Variants in EML1 observed in about 807,000 individuals in gnomAD.
The protein encoded by EML1 is EMAP like 1.
In EML1, 27 loss-of-function variants were observed where a neutral mutation model predicts 110.4. The ratio of observed to expected loss-of-function variants is 0.24; its 90% CI spans 0.18 to 0.34. EML1 has a LOEUF of 0.34. Among genes scored for constraint, EML1 ranks in the 10% least tolerant of loss-of-function variants. The probability of loss-of-function intolerance (pLI) is 1.00; values close to 1 mark genes in which losing one functional copy is unlikely to be tolerated. For synonymous variants in EML1, 344 were observed against 385.8 expected (o/e 0.89, Z 1.27); for missense variants, 741 against 1,030.9 (o/e 0.72, Z 3.85).
At chr14:99,756,362 G>T (rs1272601406) in intron 1 of EML1, among the ~76,000 whole-genome samples, 1 of 152,212 alleles carries the variant, frequency 6.6e-6, no homozygotes, top group Non-Finnish European at 1.5e-5. Context: ...AAGGCGGGAG[G>T]CAGAGGCTGA....
At chr14:99,878,934 A>G (rs774471602) in intron 4 of EML1, among the ~76,000 whole-genome samples, 1 of 152,150 alleles carries the variant, frequency 6.6e-6, no homozygotes, top group African/African-American at 2.4e-5. Context: ...CTGAATTTCT[A>G]CCTGAGCACC....
chr14:99,829,041 A>G (rs2058406246), intron 1 of EML1, among the ~76,000 whole-genome samples: 2 of 152,298 alleles, frequency 1.3e-5, no homozygotes, highest in African/African-American at 2.4e-5. Context: ...CTAGGAAAAA[A>G]CACAGTGTAT....
At chr14:99,738,743 G>C (rs1018958905) in intron 1 of EML1, among the ~76,000 whole-genome samples, 25 of 152,232 alleles carry the variant, frequency 1.6e-4, no homozygotes, top group Admixed American at 1.4e-3. Flanking sequence ...GGGTGCCTGG[G>C]GTGCACTGAG....
Sources: gnomAD v4.1 joint callset for allele counts (sites outside exome capture counted in the v4.1 genomes callset) on GRCh38, gnomAD v4.1.1 for gene constraint, MANE v1.5 for transcripts, NCBI Gene and HGNC (gene_info 2026-07-23, HGNC 2026-07-21) for gene names.